Variants in MCAT observed in about 807,000 individuals in gnomAD.
The protein encoded by MCAT is malonyl-CoA-acyl carrier protein transacylase, mitochondrial.
MCAT carries 22 observed loss-of-function variants against 22.9 expected under a neutral mutation model. The observed-to-expected ratio is 0.96, with a 90% CI of 0.69 to 1.37. The LOEUF (loss-of-function observed/expected upper bound fraction) is 1.37, where lower values mean the gene tolerates loss of function less well. Among genes scored for constraint, MCAT ranks in the 40% most tolerant of loss-of-function variants. The pLI is 0.00. For synonymous variants in MCAT, 240 were observed against 233.9 expected (o/e 1.03, Z -0.24); for missense variants, 534 against 533.6 (o/e 1.00, Z -0.01).
Position 43,142,911 on chromosome 22 carries a change from G to T in MCAT, c.423+15C>A. ...GCTCACCTTCCCCCTCCTGTCACGGGGCCTCGGGCCTCACCGAGGGCTGCA... is the reference window on the plus strand; with the variant it reads ...GCTCACCTTCCCCCTCCTGTCACGGTGCCTCGGGCCTCACCGAGGGCTGCA... On this transcript the variant is annotated intron_variant, in intron 1 of 3. Transcript: ENST00000290429. 6.6e-7 allele frequency: 1 copy of T among 1,511,830 alleles called. No homozygotes were observed. The highest frequency in any genetic ancestry group is 8.9e-7 in the Non-Finnish European group (1 of 1,126,966). The allele number at this position is 1,511,830 out of a possible 1,614,324, so 93.7% of individuals were successfully genotyped here. A position where few individuals can be genotyped will look rare whatever the true frequency, so the allele number is the denominator to read the frequency against.
intron 2 of MCAT, among the ~76,000 whole-genome samples, chr22:43,139,579 A>AC (rs1555974333): frequency 1.4e-5 from 1 of 73,522 alleles, no homozygotes; most frequent in African/African-American, 6.1e-5. Context: ...ATAATTCTGC[A>AC]CTTTTTTTTT....
intron 3 of MCAT, among the ~76,000 whole-genome samples, chr22:43,136,518 C>A (rs1395195601): frequency 6.6e-6 from 1 of 152,250 alleles, no homozygotes; most frequent in Non-Finnish European, 1.5e-5. Flanking sequence ...CATGAGTAGC[C>A]AGCCAGACCC....
intron 1 of MCAT, among the ~76,000 whole-genome samples, chr22:43,141,870 G>A (rs893273155): frequency 1.3e-5 from 2 of 152,156 alleles, no homozygotes; most frequent in African/African-American, 4.8e-5. Flanking sequence ...GAGCCACCTC[G>A]CCCGGCCAAG....
In MCAT at chr22:43,143,265, A is replaced by G; in HGVS notation, c.84T>C (p.Pro28=). 1 of 1,442,692 alleles carries G rather than the reference A, an allele frequency of 6.9e-7. No homozygotes were observed. Among genetic ancestry groups the G allele is most frequent in the Non-Finnish European group, 9.0e-7 (1 of 1,108,266 alleles). The allele number at this position is 1,442,692 out of a possible 1,614,324, so 89.4% of individuals were successfully genotyped here. A position where few individuals can be genotyped will look rare whatever the true frequency, so the allele number is the denominator to read the frequency against. The change falls in exon 1 of 4, where the codon CCT becomes CCC. Residue 28 remains proline, a synonymous_variant. Coordinates refer to ENST00000290429, the MANE Select transcript of MCAT (RefSeq NM_173467.5). The part of the protein sequence containing the change: ...YRRGASSFPV[P]PPGAQGVAEL... ...CCGCTACACCCTGGGCGCCCGGCGGAGGCACCGGGAAGCTCGAGGCGCCGC... is the reference window on the plus strand; with the variant it reads ...CCGCTACACCCTGGGCGCCCGGCGGGGGCACCGGGAAGCTCGAGGCGCCGC...
Position 43,132,930 on chromosome 22 carries a change from A to G in MCAT, c.*113T>C. On this transcript the variant is annotated 3_prime_UTR_variant, in exon 4 of 4. Transcript: ENST00000290429. ...GGCCTTCAAAGCACGTTGCAAACAA[A>G]TCCCTTTCACTCCTCAGAGGAGGAG... 5 of 976,796 alleles carry G rather than the reference A, an allele frequency of 5.1e-6. No individual in the cohort carries two copies. Among genetic ancestry groups the G allele is most frequent in the Non-Finnish European group, 3.1e-6 (2 of 651,270 alleles). The allele number at this position is 976,796 out of a possible 1,614,324, so 60.5% of individuals were successfully genotyped here.
chr22:43,134,053 G>A lies in MCAT; in HGVS notation c.730-567C>T, dbSNP rs572171044. Among the ~76,000 whole-genome samples the A allele has an allele frequency of 4.6e-5, 7 of 152,210 alleles. No homozygotes were observed. In the East Asian group the frequency reaches 7.7e-4, roughly 17 times the overall value. On this transcript the variant is annotated intron_variant, in intron 3 of 3. Transcript: ENST00000290429. ...AGTGCTGGGATTACAGGCATGAGCC[G>A]CCGCACCCGGATCTCAATGAGAATT...
rs761830427 is a variant in MCAT, at chr22:43,143,102, T to G, written c.247A>C (p.Asn83His). The G allele has an allele frequency of 4.4e-6, 7 of 1,605,076 alleles. No individual in the cohort carries two copies. In the South Asian group the frequency reaches 7.7e-5, roughly 18 times the overall value. Reference protein sequence around the residue: ...QVVGMGRGLLNYPRVRELYAA... With the variant: ...QVVGMGRGLLHYPRVRELYAA... ...TAGAGTTCGCGGACGCGCGGGTAGTTGAGCAGACCGCGGCCCATGCCCACC... is the reference window on the plus strand; with the variant it reads ...TAGAGTTCGCGGACGCGCGGGTAGTGGAGCAGACCGCGGCCCATGCCCACC... Residue 83 changes from asparagine to histidine, a missense_variant, in exon 1 of 4, where the codon AAC becomes CAC. Physicochemically the swap from Asn to His is moderately conservative, Grantham distance 68. Transcript: ENST00000290429.
At position 43,133,472 on chromosome 22, in the gene MCAT, G is replaced by C. The variant is rs1457052617; in HGVS notation, c.744C>G (p.Leu248=). 2 of 1,610,262 alleles carry C rather than the reference G, an allele frequency of 1.2e-6. No individual in the cohort carries two copies. The highest frequency in any genetic ancestry group is 2.2e-5 in the South Asian group (2 of 90,700). The change falls in exon 4 of 4, where the codon CTC becomes CTG. Residue 248 remains leucine (L), a synonymous_variant. Transcript: ENST00000290429. The stretch of plus-strand genomic sequence containing the variant: ...AATGAAACTTAGAGGAATTCTTCTG[G>C]AGAAACCGTAGAGCCTGGGGAAGGA... ...ISGHQEALRF[L]QKNSSKFHFR... is the part of the protein sequence containing the mutation.
In MCAT at chr22:43,141,235, A is replaced by G; in HGVS notation, c.438T>C (p.Cys146=). Residue 146 remains cysteine, a synonymous_variant, in exon 2 of 4, where the codon TGT becomes TGC. Coordinates refer to ENST00000290429, the MANE Select transcript of MCAT (RefSeq NM_173467.5). ...CCACACTGAATCCAGCAGCAGCAAC[A>G]CAGTTCTCAATCACCTGTGGGGACA... ...HHLQPSVIEN[C]VAAAGFSVGE... is the part of the protein sequence containing the mutation. 1 of 1,614,080 alleles carries G rather than the reference A, an allele frequency of 6.2e-7. No individual in the cohort carries two copies.
At chr22:43,140,941 G>A in intron 2 of MCAT, 1 of 567,552 alleles carries the variant, frequency 1.8e-6, no homozygotes, top group East Asian at 2.9e-5. Context: ...AGTTCAGCAA[G>A]CAGATTTCAT....
At chr22:43,136,583 C>T (rs762872057) in intron 3 of MCAT, among the ~76,000 whole-genome samples, 1 of 152,196 alleles carries the variant, frequency 6.6e-6, no homozygotes, top group African/African-American at 2.4e-5. Flanking sequence ...CCTTTGACGG[C>T]AGGAACCCTG....
At chr22:43,133,522 C>G in intron 3 of MCAT, 36 bp from the exon 4 acceptor site, 1 of 1,527,540 alleles carries the variant, frequency 6.5e-7, no homozygotes, top group South Asian at 1.2e-5. Flanking sequence ...GAGCAATGTC[C>G]CAGAAATCCG....
chr22:43,141,021 G>T (rs1217225340), intron 2 of MCAT, 141 bp downstream of exon 2: 1 of 671,816 alleles, frequency 1.5e-6, no homozygotes, highest in East Asian at 2.5e-5. Context: ...GCAAAGCCCT[G>T]TCCTCATGTG....
At chr22:43,139,717 A>G (rs955278927) in intron 2 of MCAT, among the ~76,000 whole-genome samples, 1 of 151,754 alleles carries the variant, frequency 6.6e-6, no homozygotes, top group Non-Finnish European at 1.5e-5. Flanking sequence ...AGCTAAGATT[A>G]CAGGTGCACG....
intron 2 of MCAT, among the ~76,000 whole-genome samples, chr22:43,137,911 AATT>A (rs756767950): frequency 1.1e-4 from 17 of 152,212 alleles, no homozygotes; most frequent in Non-Finnish European, 1.6e-4. Flanking sequence ...GAAAGCTGGG[AATT>A]ATTATTAGTT....
In MCAT at chr22:43,137,372, A is replaced by T. The variant is rs1025823144; in HGVS notation, c.512-74T>A. ...AGAAAAGGCCAGGCCTGAGAAACAA[A>T]GCCCAAGCTCCACTCTGCACTAGAG... On this transcript the variant is annotated intron_variant, in intron 2 of 3. Coordinates refer to ENST00000290429, the MANE Select transcript of MCAT (RefSeq NM_173467.5). The T allele has an allele frequency of 4.0e-6, 5 of 1,262,554 alleles. No homozygotes were observed. The African/African-American group carries it at 5.9e-5, about 15-fold the overall frequency. 78.2% of individuals were successfully genotyped at this position (1,262,554 alleles called of 1,614,324 possible). A position where few individuals can be genotyped will look rare whatever the true frequency, so the allele number is the denominator to read the frequency against.
rs1323845496 is a variant in MCAT, at chr22:43,133,522, C to T, written c.730-36G>A. The T allele has an allele frequency of 2.6e-6, 4 of 1,527,540 alleles. No individual in the cohort carries two copies. The South Asian group carries it at 3.6e-5, about 14-fold the overall frequency. The allele number at this position is 1,527,540 out of a possible 1,614,324, so 94.6% of individuals were successfully genotyped here. The stretch of plus-strand genomic sequence containing the variant: ...AAGGAGGTTTCAGCCGAGCAATGTC[C>T]CAGAAATCCGCCTTTACAGATCTGA... On this transcript the variant is annotated intron_variant, in intron 3 of 3. Coordinates refer to ENST00000290429, the MANE Select transcript of MCAT (RefSeq NM_173467.5).
intron 1 of MCAT, among the ~76,000 whole-genome samples, chr22:43,142,360 A>C (rs1176801812): frequency 2.0e-5 from 3 of 151,126 alleles, no homozygotes; most frequent in Non-Finnish European, 3.0e-5. Flanking sequence ...GGTGGTGTGC[A>C]CCTGTGATCC....
chr22:43,138,019 C>G (rs56107422), intron 2 of MCAT, among the ~76,000 whole-genome samples: 1 of 151,930 alleles, frequency 6.6e-6, no homozygotes, highest in South Asian at 2.1e-4. Flanking sequence ...GCCCAAGGAG[C>G]TCGACACCAG....
Sources: gnomAD v4.1 joint callset for allele counts (sites outside exome capture counted in the v4.1 genomes callset) on GRCh38, gnomAD v4.1.1 for gene constraint, MANE v1.5 for transcripts, NCBI Gene and HGNC (gene_info 2026-07-23, HGNC 2026-07-21) for gene names.